Variants in MYO9B observed in about 807,000 individuals in gnomAD.
The protein encoded by MYO9B is unconventional myosin-IXb.
A neutral mutation model predicts 229.5 loss-of-function variants in MYO9B; 71 were observed. The observed-to-expected ratio is 0.31, with a 90% CI of 0.26 to 0.38. The LOEUF (loss-of-function observed/expected upper bound fraction) is 0.38, where lower values mean the gene tolerates loss of function less well. Ranked by LOEUF, MYO9B falls within the 10% of genes least tolerant of loss-of-function variation. The pLI, the probability that MYO9B is intolerant of heterozygous loss-of-function variation, is 1.00. For synonymous variants in MYO9B, 1,185 were observed against 1,235.8 expected (o/e 0.96, Z 0.86); for missense variants, 2,255 against 2,920.5 (o/e 0.77, Z 5.25).
chr19:17,171,005 G>A (rs540641668), intron 11 of MYO9B, among the ~76,000 whole-genome samples: 389 of 149,984 alleles, frequency 2.6e-3, no homozygotes, highest in African/African-American at 9.0e-3. Context: ...TTTTCTTTTT[G>A]CACATTGATT....
chr19:17,163,372 CTT>C (rs3031315), intron 10 of MYO9B, among the ~76,000 whole-genome samples: 4 of 92,384 alleles, frequency 4.3e-5, no homozygotes, highest in Non-Finnish European at 5.9e-5. Flanking sequence ...CCCCATTCCA[CTT>C]TTTTTTTTTT....
At chr19:17,208,727 A>G (rs945526500) in intron 35 of MYO9B, among the ~76,000 whole-genome samples, 17 of 152,192 alleles carry the variant, frequency 1.1e-4, no homozygotes. Flanking sequence ...AGGCTGGATG[A>G]TAGGTGAATG....
Position 17,195,093 on chromosome 19 carries a change from C to A in MYO9B, c.3666C>A (p.Pro1222=). 6.2e-7 allele frequency: 1 copy of A among 1,612,876 alleles called. No individual in the cohort carries two copies. The highest frequency in any genetic ancestry group is 8.5e-7 in the Non-Finnish European group (1 of 1,179,828). The change falls in exon 22 of 40, where the codon CCC becomes CCA. Residue 1222 remains proline (P), a synonymous_variant. Transcript: ENST00000682292. The surrounding 1 kb of genome is among the most constrained non-coding windows in gnomAD (Gnocchi z 4.5). Reference sequence around the variant, plus strand: ...CTCAAAAGCAGCCCACAGAGCAACCCCAGGCCATGGCAGTTGGCAAGGTCT... The same window carrying A: ...CTCAAAAGCAGCCCACAGAGCAACCACAGGCCATGGCAGTTGGCAAGGTCT... ...NTSQKQPTEQ[P]QAMAVGKVSE... is the part of the protein sequence containing the mutation.
intron 1 of MYO9B, among the ~76,000 whole-genome samples, chr19:17,078,093 C>G (rs1300970728): frequency 6.6e-6 from 1 of 152,184 alleles, no homozygotes; most frequent in Non-Finnish European, 1.5e-5. Context: ...CTCATCTCTT[C>G]CAAATGGTGT....
intron 4 of MYO9B, 49 bp from the exon 5 acceptor site, chr19:17,153,918 T>C (rs755804233): frequency 1.4e-6 from 2 of 1,404,968 alleles, no homozygotes; most frequent in South Asian, 1.2e-5. Context: ...AGAGTAGCTA[T>C]TACTTGGCCT....
rs76931989 is a variant in MYO9B at position 17,121,724 on chromosome 19, G to A, written c.840+19167G>A. Among the ~76,000 whole-genome samples the A allele has an allele frequency of 3.4e-3, 513 of 152,312 alleles. 4 individuals are homozygous for A. In the East Asian group the frequency reaches 0.035, roughly 10 times the overall value. On this transcript the variant is annotated intron_variant, in intron 2 of 39. Coordinates refer to ENST00000682292, the MANE Select transcript of MYO9B (RefSeq NM_004145.4). ...GTACTGGAAGGGCGCGGTGGCTCAC[G>A]CCGATAATTCCAGCACTATGGGAGG...
At chr19:17,115,071 C>T (rs1254605180) in intron 2 of MYO9B, among the ~76,000 whole-genome samples, 1 of 151,962 alleles carries the variant, frequency 6.6e-6, no homozygotes, top group Non-Finnish European at 1.5e-5. Context: ...TCACTGCAGC[C>T]TCAACCTCCT....
chr19:17,168,310 TCA>T (rs2072683272), intron 11 of MYO9B, among the ~76,000 whole-genome samples: 1 of 152,008 alleles, frequency 6.6e-6, no homozygotes, highest in Non-Finnish European at 1.5e-5. Flanking sequence ...GACTACAGGG[TCA>T]CACCACCATA....
At chr19:17,129,556 A>G (rs951494438) in intron 2 of MYO9B, among the ~76,000 whole-genome samples, 3 of 152,224 alleles carry the variant, frequency 2.0e-5, no homozygotes, top group Admixed American at 6.5e-5. Flanking sequence ...TGGGCAGGGC[A>G]TGGGCCAGGA....
At chr19:17,099,618 A>G (rs1403069874) in intron 1 of MYO9B, among the ~76,000 whole-genome samples, 2 of 152,120 alleles carry the variant, frequency 1.3e-5, no homozygotes, top group East Asian at 3.9e-4. Flanking sequence ...GATAGAGACC[A>G]TCCTGGCTAA....
chr19:17,152,088 G>A (rs1205873306), intron 3 of MYO9B, among the ~76,000 whole-genome samples: 1 of 151,736 alleles, frequency 6.6e-6, no homozygotes, highest in Non-Finnish European at 1.5e-5. Flanking sequence ...TCAGGAGGCT[G>A]AGGCAGGAGA....
intron 1 of MYO9B, among the ~76,000 whole-genome samples, chr19:17,096,888 G>T (rs2057698036): frequency 7.2e-6 from 1 of 138,012 alleles, no homozygotes; most frequent in African/African-American, 2.8e-5. Flanking sequence ...TGTATTTTTA[G>T]TAGAGATGGG....
chr19:17,167,472 TA>T (rs1374719103), intron 10 of MYO9B, among the ~76,000 whole-genome samples: 27 of 125,118 alleles, frequency 2.2e-4, no homozygotes, highest in African/African-American at 8.0e-4. Flanking sequence ...TTATTAGAGC[TA>T]TTTTTTTTTT....
At chr19:17,173,323 G>GTCTC (rs3837924) in intron 13 of MYO9B, among the ~76,000 whole-genome samples, 3 of 139,274 alleles carry the variant, frequency 2.2e-5, no homozygotes, top group Non-Finnish European at 4.7e-5. Flanking sequence ...TAGAGACAGG[G>GTCTC]TCTCTCTCTC....
At chr19:17,152,139 A>G (rs1316519541) in intron 3 of MYO9B, among the ~76,000 whole-genome samples, 1 of 150,570 alleles carries the variant, frequency 6.6e-6, no homozygotes, top group African/African-American at 2.4e-5. Flanking sequence ...GTGAGTAGAA[A>G]TCACGTCATT....
At chr19:17,192,265 C>T (rs1346888723) in intron 20 of MYO9B, among the ~76,000 whole-genome samples, 2 of 142,880 alleles carry the variant, frequency 1.4e-5, no homozygotes, top group African/African-American at 5.4e-5. Flanking sequence ...TGCACTCCAG[C>T]CTGGTGAGAC....
At chr19:17,133,211 G>A (rs1189382371) in intron 2 of MYO9B, among the ~76,000 whole-genome samples, 2 of 152,070 alleles carry the variant, frequency 1.3e-5, no homozygotes, top group Non-Finnish European at 2.9e-5. Context: ...TTTGAAATAC[G>A]TATACATTGT....
intron 2 of MYO9B, among the ~76,000 whole-genome samples, chr19:17,104,023 T>C (rs140048224): frequency 0.095 from 13,921 of 146,498 alleles, 832 homozygotes; most frequent in Non-Finnish European, 0.14. Flanking sequence ...TTCACTGCAC[T>C]CCAGCCTGGG....
chr19:17,169,547 AG>A (rs142135846), intron 11 of MYO9B, among the ~76,000 whole-genome samples: 4,927 of 152,114 alleles, frequency 0.032, 268 homozygotes, highest in African/African-American at 0.11. Flanking sequence ...TGAACCCGGG[AG>A]GTGGAGTTCT....
Sources: gnomAD v4.1 joint callset for allele counts (sites outside exome capture counted in the v4.1 genomes callset) on GRCh38, gnomAD v4.1.1 for gene constraint, Gnocchi (gnomAD v3.1) non-coding constraint, MANE v1.5 for transcripts, NCBI Gene and HGNC (gene_info 2026-07-23, HGNC 2026-07-21) for gene names.